MYEF2: variants seen among roughly 807,000 people sequenced by gnomAD.
MYEF2 encodes myelin expression factor 2, also known as myelin gene expression factor 2.
In MYEF2, 37 loss-of-function variants were observed where a neutral mutation model predicts 75.2. The observed-to-expected ratio is 0.49, with a 90% CI of 0.38 to 0.65. The LOEUF is 0.65. MYEF2 is among the 30% of genes least tolerant of loss of function. The pLI is 0.00. For synonymous variants in MYEF2, 195 were observed against 241.6 expected, an observed-to-expected ratio of 0.81 and a Z score of 1.79; for missense variants, 634 against 771.4, an observed-to-expected ratio of 0.82 and a Z score of 2.11.
Position 48,147,724 on chromosome 15 carries a change from G to C in MYEF2, c.1639+1308C>G, listed in dbSNP as rs565923677. Among the ~76,000 whole-genome samples the C allele has an allele frequency of 2.0e-5, 3 of 151,888 alleles. No homozygotes were observed. The South Asian group carries it at 6.2e-4, about 32-fold the overall frequency. ...ATTTTTGATTAGTTCAAAATAAAAG[G>C]ATGATCAAGAAAGAGAGTCAACAGA... On this transcript the variant is annotated intron_variant, in intron 16 of 16. Transcript: ENST00000324324.
intron 14 of MYEF2, among the ~76,000 whole-genome samples, chr15:48,150,859 G>A (rs1020455510): frequency 6.6e-6 from 1 of 152,030 alleles, no homozygotes; most frequent in Non-Finnish European, 1.5e-5. Flanking sequence ...GAAGGTTCCT[G>A]GATTGGCTGT....
chr15:48,168,975 G>T (rs1251654060), intron 1 of MYEF2, 136 bp from the exon 2 acceptor site: 3 of 661,816 alleles, frequency 4.5e-6, no homozygotes, highest in Non-Finnish European at 7.6e-6. Context: ...AAAGTAGCTG[G>T]AGAATCAGCC....
At chr15:48,150,531 G>T (rs1357890005) in intron 14 of MYEF2, among the ~76,000 whole-genome samples, 1 of 151,994 alleles carries the variant, frequency 6.6e-6, no homozygotes, top group African/African-American at 2.4e-5. Flanking sequence ...CTTAATATAA[G>T]GCCTAAAAGG....
Position 48,139,398 on chromosome 15 carries a change from G to A in MYEF2, c.*3510C>T, listed in dbSNP as rs968672585. 1.6e-5 allele frequency: 6 copies of A among 383,168 alleles called. No individual in the cohort carries two copies. In the South Asian group the frequency reaches 4.0e-4, roughly 25 times the overall value. The allele number at this position is 383,168 out of a possible 1,614,324, so 23.7% of individuals were successfully genotyped here. A position where few individuals can be genotyped will look rare whatever the true frequency, so the allele number is the denominator to read the frequency against. ...ATTTTCCACTGTTATTTAGCCTGGG[G>A]TACAATTCAAGAGATCTTATAAATG... On this transcript the variant is annotated 3_prime_UTR_variant, in exon 17 of 17. Transcript: ENST00000324324.
rs2038864754 is a variant in MYEF2, at chr15:48,135,129, T to C, written c.*7779A>G. The C allele has an allele frequency of 3.5e-6, 2 of 572,698 alleles. No individual in the cohort carries two copies. The highest frequency in any genetic ancestry group is 2.9e-5 in the Admixed American group (1 of 34,090). 35.5% of individuals were successfully genotyped at this position (572,698 alleles called of 1,614,324 possible). A position where few individuals can be genotyped will look rare whatever the true frequency, so the allele number is the denominator to read the frequency against. ...CCAACAGGTCTGTGAGTTAACCTCA[T>C]CACAATTGCTGATTGAGTTCTTCTC... On this transcript the variant is annotated 3_prime_UTR_variant, in exon 17 of 17. Transcript: ENST00000324324.
chr15:48,164,927 T>C (rs1259258387), intron 5 of MYEF2, among the ~76,000 whole-genome samples: 1 of 152,202 alleles, frequency 6.6e-6, no homozygotes, highest in Non-Finnish European at 1.5e-5. Flanking sequence ...AACATACATA[T>C]GACACAGTTT....
At chr15:48,169,320 C>T (rs1004824511) in intron 1 of MYEF2, among the ~76,000 whole-genome samples, 1 of 152,138 alleles carries the variant, frequency 6.6e-6, no homozygotes, top group Admixed American at 6.5e-5. Flanking sequence ...TTTCTCCTCC[C>T]TTAATTAGAA....
Position 48,159,798 on chromosome 15 carries a change from C to T in MYEF2, c.532G>A (p.Asp178Asn), listed in dbSNP as rs760799529. The T allele has an allele frequency of 6.2e-7, 1 of 1,611,904 alleles. No individual in the cohort carries two copies. Among genetic ancestry groups the T allele is most frequent in the South Asian group, 1.1e-5 (1 of 90,758 alleles). ...AATGCCCTACGAGCATTTTCTCCATCAGGATCCTATAACACACATTGAATG... is the reference window on the plus strand; with the variant it reads ...AATGCCCTACGAGCATTTTCTCCATTAGGATCCTATAACACACATTGAATG... ...GRPLNIKEDP[D>N]GENARRALQR... The change falls in exon 6 of 17, where the codon GAT becomes AAT. Residue 178 changes from aspartate to asparagine, a missense_variant. Transcript: ENST00000324324.
chr15:48,175,926 G>A (rs908102241), intron 1 of MYEF2, among the ~76,000 whole-genome samples: 5 of 152,064 alleles, frequency 3.3e-5, no homozygotes, highest in African/African-American at 1.2e-4. Context: ...TCATAAGCAT[G>A]AAAGTTCACT....
At chr15:48,148,275 T>G (rs142462405) in intron 16 of MYEF2, among the ~76,000 whole-genome samples, 166 of 152,138 alleles carry the variant, frequency 1.1e-3, no homozygotes, top group African/African-American at 3.7e-3. Context: ...TCACATGAAT[T>G]CTCTCATTAT....
Position 48,139,135 on chromosome 15 carries a change from C to T in MYEF2, c.*3773G>A, listed in dbSNP as rs370308018. 35 of 1,612,548 alleles carry T rather than the reference C, an allele frequency of 2.2e-5. No individual in the cohort carries two copies. The highest frequency in any genetic ancestry group is 5.3e-5 in the African/African-American group (4 of 74,844). On this transcript the variant is annotated 3_prime_UTR_variant, in exon 17 of 17. Coordinates refer to ENST00000324324, the MANE Select transcript of MYEF2 (RefSeq NM_016132.5). ...TTTTCATGTCTGCAATATGGATATC[C>T]GCATTTACATATATCCTGGTTTGGA...
At position 48,149,264 on chromosome 15, in the gene MYEF2, C is replaced by T; in HGVS notation, c.1486G>A (p.Glu496Lys). Residue 496 changes from glutamate (E) to lysine (K), a missense_variant, in exon 15 of 17, where the codon GAA becomes AAA. Transcript: ENST00000324324. This position sits in a 1 kb window ranked among gnomAD's most constrained non-coding sequence, Gnocchi z 4.0. Reference sequence around the variant, plus strand: ...CCTCGATCCATATCGATGCTCCTTTCCAGTATAGCTCCTATACCTGGTCCC... The same window carrying T: ...CCTCGATCCATATCGATGCTCCTTTTCAGTATAGCTCCTATACCTGGTCCC... Reference protein sequence around the residue: ...RMGPGIGAILERSIDMDRGFL... With the variant: ...RMGPGIGAILKRSIDMDRGFL... 1.9e-6 allele frequency: 3 copies of T among 1,613,430 alleles called. No individual in the cohort carries two copies. Among genetic ancestry groups the T allele is most frequent in the Non-Finnish European group, 2.5e-6 (3 of 1,179,550 alleles).
Position 48,141,898 on chromosome 15 carries a change from T to C in MYEF2, c.*1010A>G, listed in dbSNP as rs1200458968. ...TTTAAAAATACAAATTCAGTAAGAC[T>C]TTTGCTCTAACAACAATTTTTCAAA... On this transcript the variant is annotated 3_prime_UTR_variant, in exon 17 of 17. Transcript: ENST00000324324. 1.6e-6 allele frequency: 1 copy of C among 618,120 alleles called. No homozygotes were observed. The highest frequency in any genetic ancestry group is 2.7e-6 in the Non-Finnish European group (1 of 375,836). The allele number at this position is 618,120 out of a possible 1,614,324, so 38.3% of individuals were successfully genotyped here. A position where few individuals can be genotyped will look rare whatever the true frequency, so the allele number is the denominator to read the frequency against.
intron 14 of MYEF2, 148 bp downstream of exon 14, chr15:48,150,952 T>C: frequency 2.1e-6 from 1 of 471,014 alleles, no homozygotes. Flanking sequence ...ACAGAAAGGC[T>C]TTGCTCAATT....
intron 9 of MYEF2, among the ~76,000 whole-genome samples, chr15:48,154,559 G>A (rs1447867252): frequency 6.6e-6 from 1 of 152,064 alleles, no homozygotes; most frequent in East Asian, 1.9e-4. Flanking sequence ...AAGAAAGGAC[G>A]ATTCAACAAA....
chr15:48,156,924 T>C (rs2039720204), intron 9 of MYEF2, among the ~76,000 whole-genome samples: 1 of 152,080 alleles, frequency 6.6e-6, no homozygotes, highest in African/African-American at 2.4e-5. Flanking sequence ...ATCCATAAGT[T>C]GTTTCCTCTG....
At chr15:48,174,449 A>C (rs2040446666) in intron 1 of MYEF2, among the ~76,000 whole-genome samples, 1 of 151,986 alleles carries the variant, frequency 6.6e-6, no homozygotes, top group East Asian at 1.9e-4. Context: ...AAAGTAAACA[A>C]CTGGGACTAC....
At position 48,140,444 on chromosome 15, in the gene MYEF2, A is replaced by C. The variant is rs1230298329; in HGVS notation, c.*2464T>G. ...ATTACAACATTAAAGGAACAGTTAC[A>C]TAACCTTTTGTTTAACTTCTCTCTG... On this transcript the variant is annotated 3_prime_UTR_variant, in exon 17 of 17. Transcript: ENST00000324324. 1 of 152,218 alleles carries C rather than the reference A, an allele frequency of 6.6e-6. No individual in the cohort carries two copies. The highest frequency in any genetic ancestry group is 1.5e-5 in the Non-Finnish European group (1 of 68,014). 9.4% of individuals were successfully genotyped at this position (152,218 alleles called of 1,614,324 possible). A position where few individuals can be genotyped will look rare whatever the true frequency, so the allele number is the denominator to read the frequency against.
Position 48,140,364 on chromosome 15 carries a change from G to A in MYEF2, c.*2544C>T, listed in dbSNP as rs1055811167. On this transcript the variant is annotated 3_prime_UTR_variant, in exon 17 of 17. Coordinates refer to ENST00000324324, the MANE Select transcript of MYEF2 (RefSeq NM_016132.5). ...AAGCTACTTTCTAATTATTTTAGTT[G>A]GCATTTTAAGAAAAAAAAAGAGAAA... The A allele has an allele frequency of 4.6e-5, 7 of 151,482 alleles. No homozygotes were observed. The highest frequency in any genetic ancestry group is 1.7e-4 in the African/African-American group (7 of 41,238). 9.4% of individuals were successfully genotyped at this position (151,482 alleles called of 1,614,324 possible).
Sources: allele counts gnomAD v4.1 joint callset (sites outside exome capture counted in the v4.1 genomes callset), GRCh38; gene constraint gnomAD v4.1.1; non-coding constraint Gnocchi (gnomAD v3.1); transcripts MANE v1.5; gene names NCBI Gene and HGNC (gene_info 2026-07-23, HGNC 2026-07-21).